KLRG1: variants seen among roughly 807,000 people sequenced by gnomAD.
KLRG1 encodes killer cell lectin-like receptor subfamily G member 1.
Under a neutral mutation model 21.8 loss-of-function variants are expected in KLRG1, and 16 were observed. That is an observed-to-expected ratio of 0.73 (90% confidence interval 0.50 to 1.11). The LOEUF (loss-of-function observed/expected upper bound fraction) is 1.11. KLRG1 is among the 50% of genes most tolerant of loss of function. KLRG1 has a pLI of 0.00. For missense variants in KLRG1, 173 were observed against 218.3 expected, an observed-to-expected ratio of 0.79 and a Z score of 1.31; for synonymous variants, 69 against 75.9, an observed-to-expected ratio of 0.91 and a Z score of 0.47.
the KLRG1 span, among the ~76,000 whole-genome samples, chr12:9,082,972 T>C: frequency 6.6e-6 from 1 of 152,226 alleles, no homozygotes; most frequent in African/African-American, 2.4e-5. Context: ...TTTCTAGTTC[T>C]AGATCCCTGA....
chr12:9,158,493 G>A, the KLRG1 span: 23 of 1,614,046 alleles, frequency 1.4e-5, no homozygotes, highest in East Asian at 8.9e-5. Flanking sequence ...GGAGAGCCAC[G>A]TGAGAGATTG....
chr12:9,118,832 A>G, the KLRG1 span, among the ~76,000 whole-genome samples: 1 of 152,202 alleles, frequency 6.6e-6, no homozygotes, highest in Non-Finnish European at 1.5e-5. Context: ...TGCTGTACTT[A>G]TAGAGACTAT....
the KLRG1 span, among the ~76,000 whole-genome samples, chr12:9,214,444 C>T: frequency 6.6e-6 from 1 of 152,008 alleles, no homozygotes; most frequent in Non-Finnish European, 1.5e-5. Context: ...TATCTTTATC[C>T]GATTAAGTCT....
the KLRG1 span, chr12:9,192,330 C>T: frequency 6.2e-6 from 9 of 1,445,108 alleles, no homozygotes; most frequent in South Asian, 1.2e-5. Context: ...CCACATGACC[C>T]ACTTTCAGTT....
At chr12:9,187,789 T>G in the KLRG1 span, among the ~76,000 whole-genome samples, 1 of 152,252 alleles carries the variant, frequency 6.6e-6, no homozygotes, top group Non-Finnish European at 1.5e-5. Flanking sequence ...AGCTGTGCTG[T>G]GCAGGTGATC....
the KLRG1 span, among the ~76,000 whole-genome samples, chr12:9,050,736 C>T: frequency 6.6e-6 from 1 of 152,170 alleles, no homozygotes; most frequent in Non-Finnish European, 1.5e-5. Context: ...GCCAGGGACA[C>T]GTGGGAACCT....
At chr12:9,119,645 G>C in the KLRG1 span, among the ~76,000 whole-genome samples, 3 of 152,150 alleles carry the variant, frequency 2.0e-5, no homozygotes, top group Non-Finnish European at 4.4e-5. Flanking sequence ...ATGAAATATT[G>C]CTTCTAAAAA....
At chr12:9,076,857 A>T in the KLRG1 span, 1 of 1,613,878 alleles carries the variant, frequency 6.2e-7, no homozygotes, top group Non-Finnish European at 8.5e-7. Context: ...TTTGGTATAT[A>T]CATGGCTGCC....
At chr12:9,028,674 C>T in the KLRG1 span, 1 of 426,310 alleles carries the variant, frequency 2.3e-6, no homozygotes, top group Non-Finnish European at 4.5e-6. Flanking sequence ...GATCTCTTGA[C>T]CTCGTGATCC....
At chr12:9,014,821 A>C (rs1456887533), downstream of KLRG1, among the ~76,000 whole-genome samples, 1 of 152,128 alleles carries the variant, frequency 6.6e-6, no homozygotes, top group Admixed American at 6.5e-5. Flanking sequence ...TGGACAGTAC[A>C]ATAACATAAA....
chr12:9,203,996 A>AAGCG, the KLRG1 span: 1 of 1,511,070 alleles, frequency 6.6e-7, no homozygotes, highest in Non-Finnish European at 9.1e-7. Context: ...TGATGATAGT[A>AAGCG]AGCGTTTTCA....
chr12:9,068,258 T>G, the KLRG1 span: 1 of 1,591,728 alleles, frequency 6.3e-7, no homozygotes, highest in Non-Finnish European at 8.5e-7. Context: ...AAACCAGAAA[T>G]CATTACATGA....
At chr12:9,028,273 T>G in the KLRG1 span, 6 of 472,246 alleles carry the variant, frequency 1.3e-5, no homozygotes, top group South Asian at 1.4e-4. Context: ...TGCTTCAGCC[T>G]CCCAAGTAGC....
chr12:9,078,274 G>A, the KLRG1 span, among the ~76,000 whole-genome samples: 9 of 101,058 alleles, frequency 8.9e-5, no homozygotes, highest in African/African-American at 5.2e-4. Flanking sequence ...TCCCACTTAT[G>A]AGTGAGAAAT....
At chr12:9,196,965 C>T in the KLRG1 span, 1 of 1,372,848 alleles carries the variant, frequency 7.3e-7, no homozygotes, top group Non-Finnish European at 1.0e-6. Context: ...TGGAGTCTCA[C>T]TGGTTGTAAA....
chr12:9,036,697 C>A, the KLRG1 span: 1 of 262,632 alleles, frequency 3.8e-6, no homozygotes, highest in Non-Finnish European at 8.0e-6. Flanking sequence ...TTAGCAATCA[C>A]AGGAAACAAA....
At chr12:9,157,175 C>T in the KLRG1 span, 1 of 1,612,150 alleles carries the variant, frequency 6.2e-7, no homozygotes, top group African/African-American at 1.3e-5. Context: ...GTGCTCTCAC[C>T]TTCTTTCACA....
chr12:8,955,848 C>T (rs34798934), intron 1 of KLRG1, among the ~76,000 whole-genome samples: 54,278 of 151,840 alleles, frequency 0.36, 11,102 homozygotes, highest in Middle Eastern at 0.46. Context: ...CAAAGACCGC[C>T]GGAAGCCTGA....
chr12:9,202,268 T>G, the KLRG1 span: 2 of 1,473,214 alleles, frequency 1.4e-6, no homozygotes, highest in Non-Finnish European at 1.9e-6. Flanking sequence ...TCACTCTGGG[T>G]GAGTATTCCC....
Sources: gnomAD v4.1 joint callset for allele counts (sites outside exome capture counted in the v4.1 genomes callset) on GRCh38, gnomAD v4.1.1 for gene constraint, MANE v1.5 for transcripts, NCBI Gene and HGNC (gene_info 2026-07-23, HGNC 2026-07-21) for gene names.